The following PTPRM variants were observed in gnomAD, a reference collection of about 807,000 sequenced individuals.
The protein encoded by PTPRM is protein tyrosine phosphatase receptor type M, also known as receptor-type tyrosine-protein phosphatase mu.
A neutral mutation model predicts 186.7 loss-of-function variants in PTPRM; 47 were observed. The ratio of observed to expected loss-of-function variants is 0.25; its 90% CI spans 0.20 to 0.32. PTPRM has a LOEUF of 0.32. Ranked by LOEUF, PTPRM falls within the 10% of genes least tolerant of loss-of-function variation. PTPRM has a pLI of 1.00. For missense variants in PTPRM, 1,494 were observed against 1,865.0 expected (o/e 0.80, Z 3.66); for synonymous variants, 668 against 674.9 (o/e 0.99, Z 0.16).
At chr18:8,000,378 C>G (rs1275072788) in intron 7 of PTPRM, among the ~76,000 whole-genome samples, 1 of 152,176 alleles carries the variant, frequency 6.6e-6, no homozygotes, top group Admixed American at 6.5e-5. Context: ...TGTTATTAAT[C>G]ATATCAATTT....
intron 4 of PTPRM, 41 bp from the exon 5 acceptor site, chr18:7,926,527 A>G: frequency 1.9e-5 from 27 of 1,435,188 alleles, no homozygotes; most frequent in Non-Finnish European, 2.4e-5. Context: ...TTAGTTACAA[A>G]TCTCCACTTT....
rs1437361346 is a variant in PTPRM, at chr18:7,588,528, A to G, written c.73+20637A>G. On this transcript the variant is annotated intron_variant, in intron 1 of 32. Coordinates refer to ENST00000580170, the MANE Select transcript of PTPRM (RefSeq NM_001105244.2). ...GTGAGTTTTTATTGTATAATTAGAAAAATTTGGAAAGCATTGCAATTATAC... is the reference window on the plus strand; with the variant it reads ...GTGAGTTTTTATTGTATAATTAGAAGAATTTGGAAAGCATTGCAATTATAC... Among the ~76,000 whole-genome samples, 3 of 152,290 alleles carry G rather than the reference A, an allele frequency of 2.0e-5. No homozygotes were observed. The Middle Eastern group carries it at 0.01, about 518-fold the overall frequency.
At chr18:8,378,444 A>C (rs563159622) in intron 27 of PTPRM, 30 bp downstream of exon 27, 1 of 1,609,284 alleles carries the variant, frequency 6.2e-7, no homozygotes, top group Non-Finnish European at 8.5e-7. Context: ...GGGGCACTGC[A>C]CGGTGACTTG....
At position 8,339,163 on chromosome 18, in the gene PTPRM, G is replaced by T. The variant is rs186459346; in HGVS notation, c.2957-4260G>T. On this transcript the variant is annotated intron_variant, in intron 22 of 32. Coordinates refer to ENST00000580170, the MANE Select transcript of PTPRM (RefSeq NM_001105244.2). Reference sequence around the variant, plus strand: ...TAATGCTTTTCATTGCTTGTTAAAGGTTAATGTTTTTTATTGAAAAAAAAA... The same window carrying T: ...TAATGCTTTTCATTGCTTGTTAAAGTTTAATGTTTTTTATTGAAAAAAAAA... 8.6e-5 allele frequency among the ~76,000 whole-genome samples: 13 copies of T among 150,796 alleles called. No homozygotes were observed. In the East Asian group the frequency reaches 2.6e-3, roughly 30 times the overall value.
At chr18:8,202,902 T>C (rs2093877673) in intron 14 of PTPRM, among the ~76,000 whole-genome samples, 1 of 152,208 alleles carries the variant, frequency 6.6e-6, no homozygotes, top group Admixed American at 6.5e-5. Context: ...TGCCAGCCAG[T>C]GTATAGGTCT....
At chr18:7,977,814 C>T (rs181302997) in intron 7 of PTPRM, among the ~76,000 whole-genome samples, 1 of 152,208 alleles carries the variant, frequency 6.6e-6, no homozygotes, top group East Asian at 1.9e-4. Flanking sequence ...TGTCTCTGGC[C>T]CAGGAGTCTC....
At chr18:7,659,779 A>G (rs759640520) in intron 1 of PTPRM, among the ~76,000 whole-genome samples, 5 of 152,192 alleles carry the variant, frequency 3.3e-5, no homozygotes, top group Non-Finnish European at 4.4e-5. Flanking sequence ...TCAAGTGTCA[A>G]TGGGTTGATG....
chr18:8,250,350 T>C (rs145109030), intron 17 of PTPRM, among the ~76,000 whole-genome samples: 250 of 152,302 alleles, frequency 1.6e-3, no homozygotes, highest in African/African-American at 5.7e-3. Flanking sequence ...TCAGCTAGTT[T>C]GTTAAAAATT....
At chr18:7,603,529 C>T (rs550483971) in intron 1 of PTPRM, among the ~76,000 whole-genome samples, 1 of 152,318 alleles carries the variant, frequency 6.6e-6, no homozygotes, top group South Asian at 2.1e-4. Context: ...CAGATGTGCT[C>T]CATGGGGAGA....
chr18:8,352,948 G>A (rs1411365420), intron 23 of PTPRM, among the ~76,000 whole-genome samples: 1 of 152,148 alleles, frequency 6.6e-6, no homozygotes, highest in African/African-American at 2.4e-5. Flanking sequence ...GGGATTACAG[G>A]TGTGAGCCAC....
chr18:7,992,631 T>C (rs182541800), intron 7 of PTPRM, among the ~76,000 whole-genome samples: 105 of 152,266 alleles, frequency 6.9e-4, no homozygotes, highest in Middle Eastern at 6.8e-3. Context: ...GGTAGTACGG[T>C]ACAGGAAGTC....
chr18:8,354,474 T>C (rs554543895), intron 23 of PTPRM, among the ~76,000 whole-genome samples: 1 of 152,216 alleles, frequency 6.6e-6, no homozygotes, highest in South Asian at 2.1e-4. Context: ...GGTCACGAGC[T>C]ACAGAAAGGC....
intron 15 of PTPRM, among the ~76,000 whole-genome samples, chr18:8,245,762 A>G (rs1001304872): frequency 6.6e-6 from 1 of 152,130 alleles, no homozygotes; most frequent in African/African-American, 2.4e-5. Context: ...TCATGGTGAA[A>G]TTCCTCAAGA....
chr18:7,943,729 C>A (rs917168620), intron 5 of PTPRM, among the ~76,000 whole-genome samples: 10 of 152,240 alleles, frequency 6.6e-5, no homozygotes, highest in Non-Finnish European at 1.3e-4. Flanking sequence ...CTTCAGAGCC[C>A]GTCGGCACAA....
At chr18:8,042,240 A>G (rs2086737969) in intron 7 of PTPRM, among the ~76,000 whole-genome samples, 1 of 152,232 alleles carries the variant, frequency 6.6e-6, no homozygotes, top group Admixed American at 6.5e-5. Context: ...ATGTGTAACT[A>G]TTAAGTATGT....
rs149842332 is a variant in PTPRM at position 7,703,851 on chromosome 18, A to G, written c.74-70298A>G. On this transcript the variant is annotated intron_variant, in intron 1 of 32. Transcript: ENST00000580170. ...TACTATTTTGAGATACTTTCCATCA[A>G]TACCTAGTTTATTAAGAGTTTTTAG... Among the ~76,000 whole-genome samples the G allele has an allele frequency of 2.6e-3, 395 of 152,310 alleles. 1 individual carries two copies. The highest frequency in any genetic ancestry group is 9.2e-3 in the African/African-American group (383 of 41,552).
At chr18:7,715,157 C>T (rs1376359559) in intron 1 of PTPRM, among the ~76,000 whole-genome samples, 3 of 152,152 alleles carry the variant, frequency 2.0e-5, no homozygotes, top group East Asian at 3.9e-4. Context: ...AGCTCAACCA[C>T]CACAATCAAG....
chr18:8,156,358 C>G (rs150399238), intron 14 of PTPRM, among the ~76,000 whole-genome samples: 15 of 152,082 alleles, frequency 9.9e-5, no homozygotes, highest in Non-Finnish European at 4.4e-5. Context: ...TAGAATCTGA[C>G]GAACCTGATT....
chr18:7,821,660 T>C (rs551874420), intron 2 of PTPRM, among the ~76,000 whole-genome samples: 1 of 152,340 alleles, frequency 6.6e-6, no homozygotes, highest in South Asian at 2.1e-4. Context: ...ATTATAATAA[T>C]TTGCCAGTAT....
Sources: gnomAD v4.1 joint callset for allele counts (sites outside exome capture counted in the v4.1 genomes callset) on GRCh38, gnomAD v4.1.1 for gene constraint, MANE v1.5 for transcripts, NCBI Gene and HGNC (gene_info 2026-07-23, HGNC 2026-07-21) for gene names.